Variants in ARL15 observed in about 807,000 individuals in gnomAD.
ARL15 encodes ARF like GTPase 15, also known as ADP-ribosylation factor-like protein 15.
ARL15 carries 19 observed loss-of-function variants against 25.2 expected under a neutral mutation model. That is an observed-to-expected ratio of 0.75 (90% confidence interval 0.53 to 1.10). ARL15 has a LOEUF of 1.10. Ranked by LOEUF, ARL15 falls within the 50% of genes least tolerant of loss-of-function variation. ARL15 has a pLI of 0.00. For synonymous variants in ARL15, 94 were observed against 86.8 expected, an observed-to-expected ratio of 1.08 and a Z score of -0.46; for missense variants, 220 against 246.0, an observed-to-expected ratio of 0.89 and a Z score of 0.71.
intron 3 of ARL15, among the ~76,000 whole-genome samples, chr5:54,117,407 A>AC (rs1491139871): frequency 5.4e-4 from 81 of 149,642 alleles, no homozygotes; most frequent in South Asian, 8.7e-4. Flanking sequence ...ACACACACAC[A>AC]AACCCAAAGA....
chr5:53,985,364 A>G (rs1187777932), intron 4 of ARL15, among the ~76,000 whole-genome samples: 1 of 152,164 alleles, frequency 6.6e-6, no homozygotes, highest in Non-Finnish European at 1.5e-5. Flanking sequence ...AGCGCTATTA[A>G]ATACATTCAT....
chr5:53,961,926 G>A (rs547269777), intron 4 of ARL15, among the ~76,000 whole-genome samples: 2 of 152,160 alleles, frequency 1.3e-5, no homozygotes, highest in East Asian at 3.9e-4. Context: ...TTTTTTCAGG[G>A]AGCATATGGA....
intron 1 of ARL15, among the ~76,000 whole-genome samples, chr5:54,267,610 A>G (rs1757664201): frequency 6.6e-6 from 1 of 152,174 alleles, no homozygotes; most frequent in Non-Finnish European, 1.5e-5. Context: ...CTCTCTAGGT[A>G]TCACAGAGAT....
At chr5:54,021,582 C>T (rs566906118) in intron 4 of ARL15, among the ~76,000 whole-genome samples, 6 of 152,154 alleles carry the variant, frequency 3.9e-5, no homozygotes, top group African/African-American at 1.4e-4. Flanking sequence ...TCAATCTGAA[C>T]AACAAAGAGA....
At chr5:54,020,259 T>G (rs547210174) in intron 4 of ARL15, among the ~76,000 whole-genome samples, 1 of 152,246 alleles carries the variant, frequency 6.6e-6, no homozygotes, top group South Asian at 2.1e-4. Flanking sequence ...AGGAGCAGTG[T>G]CAGCGGAGGC....
At chr5:54,116,211 G>T (rs1414949666) in intron 3 of ARL15, among the ~76,000 whole-genome samples, 1 of 152,166 alleles carries the variant, frequency 6.6e-6, no homozygotes, top group Non-Finnish European at 1.5e-5. Flanking sequence ...ATTTGGTTGG[G>T]GCAATTACTG....
At chr5:54,150,691 G>A (rs904372401) in intron 3 of ARL15, among the ~76,000 whole-genome samples, 3 of 151,952 alleles carry the variant, frequency 2.0e-5, no homozygotes, top group Admixed American at 1.3e-4. Context: ...CCAGCTACTC[G>A]GGAGGCTGAG....
chr5:54,118,932 T>G (rs1199231258), intron 3 of ARL15, among the ~76,000 whole-genome samples: 2 of 152,184 alleles, frequency 1.3e-5, no homozygotes, highest in Non-Finnish European at 2.9e-5. Flanking sequence ...TCTCCTCACC[T>G]TATCCTCCCT....
At chr5:54,118,562 C>G (rs1288836944) in intron 3 of ARL15, among the ~76,000 whole-genome samples, 3 of 152,134 alleles carry the variant, frequency 2.0e-5, no homozygotes, top group Admixed American at 1.3e-4. Flanking sequence ...CATTTAAGAT[C>G]TACTGAAATT....
chr5:54,259,374 T>C (rs1579958909), intron 1 of ARL15, among the ~76,000 whole-genome samples: 2 of 152,290 alleles, frequency 1.3e-5, no homozygotes, highest in East Asian at 3.9e-4. Context: ...ATAAGTAAAC[T>C]GGAAAACTAC....
intron 1 of ARL15, among the ~76,000 whole-genome samples, chr5:54,190,791 GAAT>G (rs1373697631): frequency 6.6e-6 from 1 of 152,090 alleles, no homozygotes; most frequent in Non-Finnish European, 1.5e-5. Flanking sequence ...GCTACTATCA[GAAT>G]AATGGAAAAT....
chr5:54,104,703 G>A (rs1376277516), intron 4 of ARL15, among the ~76,000 whole-genome samples: 2 of 152,064 alleles, frequency 1.3e-5, no homozygotes, highest in African/African-American at 4.8e-5. Context: ...CAGAGATACT[G>A]AAGTAGAAAT....
At chr5:54,299,333 A>C (rs1487336146) in intron 1 of ARL15, among the ~76,000 whole-genome samples, 2 of 152,140 alleles carry the variant, frequency 1.3e-5, no homozygotes, top group Non-Finnish European at 1.5e-5. Context: ...ACCCTCATGC[A>C]TGGCTATGGC....
At position 53,921,703 on chromosome 5, in the gene ARL15, C is replaced by T. The variant is rs558350895; in HGVS notation, c.463-34990G>A. 1.6e-3 allele frequency among the ~76,000 whole-genome samples: 243 copies of T among 152,140 alleles called. 2 individuals are homozygous for T. Among genetic ancestry groups the T allele is most frequent in the African/African-American group, 5.6e-3 (234 of 41,500 alleles). On this transcript the variant is annotated intron_variant, in intron 4 of 4. Coordinates refer to ENST00000504924, the MANE Select transcript of ARL15 (RefSeq NM_019087.3). ...GGGAGGATTACTTGAACCCAGGAGG[C>T]GGATGTTGCAGTGAGCCGAGATTGT...
At chr5:53,915,759 T>C (rs1745622399) in intron 4 of ARL15, among the ~76,000 whole-genome samples, 1 of 152,248 alleles carries the variant, frequency 6.6e-6, no homozygotes, top group Non-Finnish European at 1.5e-5. Context: ...TTTAGAATGA[T>C]GTTGATCCAA....
chr5:54,307,926 T>G (rs980623758), intron 1 of ARL15: 1 of 152,168 alleles, frequency 6.6e-6, no homozygotes, highest in African/African-American at 2.4e-5. Flanking sequence ...AAACTTGGAA[T>G]GAAAGGAGCA....
At chr5:53,906,454 T>A (rs1299697033) in intron 4 of ARL15, among the ~76,000 whole-genome samples, 1 of 151,858 alleles carries the variant, frequency 6.6e-6, no homozygotes, top group Admixed American at 6.6e-5. Flanking sequence ...GAGAAAAAAA[T>A]GGAAGCAATT....
chr5:53,946,757 A>C (rs1201870908), intron 4 of ARL15, among the ~76,000 whole-genome samples: 1 of 152,190 alleles, frequency 6.6e-6, no homozygotes, highest in African/African-American at 2.4e-5. Flanking sequence ...TTGGCAGCCC[A>C]GGGAGGAGAT....
intron 3 of ARL15, among the ~76,000 whole-genome samples, chr5:54,135,800 T>C (rs927169946): frequency 3.3e-5 from 5 of 152,214 alleles, no homozygotes; most frequent in African/African-American, 1.2e-4. Flanking sequence ...TTAACAAATA[T>C]GGTTTCATAT....
Sources: gnomAD v4.1 joint callset for allele counts (sites outside exome capture counted in the v4.1 genomes callset) on GRCh38, gnomAD v4.1.1 for gene constraint, MANE v1.5 for transcripts, NCBI Gene and HGNC (gene_info 2026-07-23, HGNC 2026-07-21) for gene names.